The following ITSN1 variants were observed in gnomAD, a reference collection of about 807,000 sequenced individuals.
ITSN1 encodes intersectin 1.
Under a neutral mutation model 239.8 loss-of-function variants are expected in ITSN1, and 58 were observed. The ratio of observed to expected loss-of-function variants is 0.24; its 90% CI spans 0.20 to 0.30. ITSN1 has a LOEUF of 0.30. ITSN1 is among the 10% of genes least tolerant of loss of function. The pLI, the probability that ITSN1 is intolerant of heterozygous loss-of-function variation, is 1.00. For synonymous variants in ITSN1, 780 were observed against 770.8 expected (o/e 1.01, Z -0.20); for missense variants, 1,558 against 2,103.3 (o/e 0.74, Z 5.07).
intron 5 of ITSN1, among the ~76,000 whole-genome samples, chr21:33,742,097 C>G (rs922819338): frequency 1.3e-5 from 2 of 150,618 alleles, no homozygotes; most frequent in African/African-American, 4.9e-5. Context: ...TGCTCTGTCC[C>G]CCAGGCTGGA....
intron 14 of ITSN1, 31 bp from the exon 15 acceptor site, chr21:33,781,430 A>T (rs753851773): frequency 8.2e-7 from 1 of 1,223,496 alleles, no homozygotes; most frequent in South Asian, 1.2e-5. Flanking sequence ...CTTCCCTGTC[A>T]TTCATTACTA....
intron 4 of ITSN1, among the ~76,000 whole-genome samples, chr21:33,725,382 C>T (rs1307606582): frequency 6.6e-6 from 1 of 151,924 alleles, no homozygotes; most frequent in African/African-American, 2.4e-5. Context: ...GATCCACCTG[C>T]CTCGACCTCC....
At chr21:33,762,480 G>C (rs1177413132) in intron 9 of ITSN1, among the ~76,000 whole-genome samples, 1 of 151,890 alleles carries the variant, frequency 6.6e-6, no homozygotes, top group East Asian at 1.9e-4. Flanking sequence ...GGTCAGGCTG[G>C]TCTTGAACTC....
At chr21:33,679,784 G>A (rs1266800141) in intron 1 of ITSN1, among the ~76,000 whole-genome samples, 1 of 124,938 alleles carries the variant, frequency 8.0e-6, no homozygotes, top group Non-Finnish European at 1.6e-5. Context: ...TGCAAGCTCC[G>A]CCTCCCAGGT....
intron 27 of ITSN1, among the ~76,000 whole-genome samples, chr21:33,831,829 A>G (rs1243476856): frequency 6.6e-6 from 1 of 152,208 alleles, no homozygotes; most frequent in East Asian, 1.9e-4. Context: ...ATGTCCAGAT[A>G]CTACTCACTG....
intron 29 of ITSN1, among the ~76,000 whole-genome samples, chr21:33,849,030 C>T (rs556503834): frequency 8.9e-4 from 136 of 152,298 alleles, no homozygotes; most frequent in African/African-American, 3.1e-3. Flanking sequence ...CACCTGAAGT[C>T]AGGAGTTTGA....
intron 33 of ITSN1, among the ~76,000 whole-genome samples, chr21:33,869,335 G>T (rs1179310082): frequency 1.3e-5 from 2 of 152,224 alleles, no homozygotes; most frequent in Non-Finnish European, 2.9e-5. Flanking sequence ...GGAGCCCAGC[G>T]AAGGGGGAAA....
chr21:33,695,006 A>G (rs753014749), intron 1 of ITSN1, among the ~76,000 whole-genome samples: 7 of 152,074 alleles, frequency 4.6e-5, no homozygotes, highest in African/African-American at 7.2e-5. Context: ...TGTAGAGATG[A>G]GGTCTTACCA....
intron 1 of ITSN1, among the ~76,000 whole-genome samples, chr21:33,669,781 TA>T (rs2090153789): frequency 6.6e-6 from 1 of 151,678 alleles, no homozygotes; most frequent in African/African-American, 2.4e-5. Flanking sequence ...GAAAACGTCT[TA>T]ATTTTTTTTT....
chr21:33,666,506 C>T (rs547793696), intron 1 of ITSN1, among the ~76,000 whole-genome samples: 187 of 152,156 alleles, frequency 1.2e-3, no homozygotes, highest in Non-Finnish European at 1.1e-3. Context: ...CCAAGTTTAC[C>T]TTAGTTGTAA....
At chr21:33,652,698 A>G (rs1419184173) in intron 1 of ITSN1, among the ~76,000 whole-genome samples, 1 of 152,074 alleles carries the variant, frequency 6.6e-6, no homozygotes, top group Non-Finnish European at 1.5e-5. Flanking sequence ...ATCTTAGCCA[A>G]TTTTATTTGT....
At chr21:33,748,034 A>G (rs2067293483) in intron 5 of ITSN1, among the ~76,000 whole-genome samples, 1 of 152,222 alleles carries the variant, frequency 6.6e-6, no homozygotes, top group Non-Finnish European at 1.5e-5. Flanking sequence ...ATAACATATT[A>G]TAATGTATGT....
At chr21:33,819,370 T>G in intron 24 of ITSN1, 47 bp downstream of exon 24, 1 of 1,351,216 alleles carries the variant, frequency 7.4e-7, no homozygotes, top group Non-Finnish European at 1.1e-6. Flanking sequence ...TCAAGGACAT[T>G]GTGTAAATGT....
intron 15 of ITSN1, 128 bp from the exon 16 acceptor site, chr21:33,781,866 A>AC (rs2070216205): frequency 1.1e-6 from 1 of 900,974 alleles, no homozygotes. Flanking sequence ...GGTGTAGGCC[A>AC]CCGCACCCAG....
intron 34 of ITSN1, among the ~76,000 whole-genome samples, chr21:33,875,723 C>T (rs1020939295): frequency 6.6e-6 from 1 of 152,186 alleles, no homozygotes; most frequent in Non-Finnish European, 1.5e-5. Context: ...CTCTGTTGCC[C>T]AGGTTGGAGT....
intron 3 of ITSN1, chr21:33,722,080 A>T (rs1218832789): frequency 6.6e-6 from 1 of 151,654 alleles, no homozygotes; most frequent in Non-Finnish European, 1.5e-5. Context: ...CTTATTTTTT[A>T]TATTTTTAGT....
At position 33,885,494 on chromosome 21, in the gene ITSN1, C is replaced by G. The variant is rs1263564758; in HGVS notation, c.4815C>G (p.Gly1605=). ...IGRLMVNVVE[G]IELKPCRSHG... ...GGTTGATGGTGAACGTGGTTGAAGG[C>G]ATCGAGTTGAAACCCTGTCGGTCAC... The change falls in exon 38 of 40, where the codon GGC becomes GGG. Residue 1605 remains glycine (G), a synonymous_variant. Transcript: ENST00000381318. The G allele has an allele frequency of 1.2e-6, 2 of 1,613,956 alleles. No homozygotes were observed. The highest frequency in any genetic ancestry group is 1.7e-6 in the Non-Finnish European group (2 of 1,180,008).
At position 33,730,786 on chromosome 21, in the gene ITSN1, G is replaced by A. The variant is rs187972092; in HGVS notation, c.186-4258G>A. ...GCTATCTTAGGTCACTGCAACCTCC[G>A]TCTCCCAGGTTCAAGCAATTCTCAT... On this transcript the variant is annotated intron_variant, in intron 4 of 39. Transcript: ENST00000381318. 2.8e-3 allele frequency among the ~76,000 whole-genome samples: 431 copies of A among 151,738 alleles called. 1 individual carries two copies. Among genetic ancestry groups the A allele is most frequent in the Non-Finnish European group, 4.7e-3 (321 of 67,954 alleles).
At chr21:33,716,099 T>TA (rs1315603842) in intron 1 of ITSN1, among the ~76,000 whole-genome samples, 2 of 152,112 alleles carry the variant, frequency 1.3e-5, no homozygotes, top group African/African-American at 2.4e-5. Flanking sequence ...AGAGGTCAGT[T>TA]ATGGAGATAA....
Sources: allele counts gnomAD v4.1 joint callset (sites outside exome capture counted in the v4.1 genomes callset), GRCh38; gene constraint gnomAD v4.1.1; transcripts MANE v1.5; gene names NCBI Gene and HGNC (gene_info 2026-07-23, HGNC 2026-07-21).